The following ZSCAN21 variants were observed in gnomAD, a reference collection of about 807,000 sequenced individuals.
The protein encoded by ZSCAN21 is zinc finger and SCAN domain containing 21.
Under a neutral mutation model 35.6 loss-of-function variants are expected in ZSCAN21, and 26 were observed. That is an observed-to-expected ratio of 0.73 (90% CI 0.54 to 1.01). ZSCAN21 has a LOEUF of 1.01. Among genes scored for constraint, ZSCAN21 ranks in the 50% least tolerant of loss-of-function variants. The pLI is 0.00. For missense variants in ZSCAN21, 593 were observed against 587.1 expected, an observed-to-expected ratio of 1.01 and a Z score of -0.10; for synonymous variants, 219 against 219.3, an observed-to-expected ratio of 1.00 and a Z score of 0.01.
intron 3 of ZSCAN21, 147 bp downstream of exon 3, chr7:100,058,037 C>T (rs965739532): frequency 4.5e-6 from 3 of 668,278 alleles, no homozygotes; most frequent in Admixed American, 7.4e-5. Flanking sequence ...CCCCTTTCCT[C>T]CCCCAAGTAA....
chr7:100,060,477 G>C (rs1442766737), intron 3 of ZSCAN21, among the ~76,000 whole-genome samples: 1 of 152,034 alleles, frequency 6.6e-6, no homozygotes, highest in Non-Finnish European at 1.5e-5. Context: ...CAGGAGAATC[G>C]CTTGAAGCCA....
chr7:100,051,277 A>ATTTTTT (rs1376849857), intron 1 of ZSCAN21, among the ~76,000 whole-genome samples: 7 of 45,102 alleles, frequency 1.6e-4, no homozygotes, highest in Admixed American at 3.2e-4. Flanking sequence ...GGATCTAGGG[A>ATTTTTT]TTTTCTTTTT....
chr7:100,063,818 C>T lies in ZSCAN21; in HGVS notation c.623C>T (p.Ser208Leu). The change falls in exon 4 of 4, where the codon TCA (serine) becomes TTA (leucine). Residue 208 changes from serine to leucine, a missense_variant. Ser to Leu is a moderately radical substitution (Grantham distance 145). Transcript: ENST00000292450. Reference protein sequence around the residue: ...DCRLSTQHEESADEQKGSEAE... With the variant: ...DCRLSTQHEELADEQKGSEAE... ...AGATTGAGTACCCAGCACGAGGAAT[C>T]AGCAGATGAGCAGAAAGGTTCTGAA... 1 of 1,612,198 alleles carries T rather than the reference C, an allele frequency of 6.2e-7. No homozygotes were observed. The highest frequency in any genetic ancestry group is 8.5e-7 in the Non-Finnish European group (1 of 1,179,450).
Position 100,064,801 on chromosome 7 carries a change from G to C in ZSCAN21, c.*184G>C, listed in dbSNP as rs1451563544. On this transcript the variant is annotated 3_prime_UTR_variant, in exon 4 of 4. Coordinates refer to ENST00000292450, the MANE Select transcript of ZSCAN21 (RefSeq NM_145914.3). ...GGCAGGAGGTCCTCAGAAGGTGTCA[G>C]GAGGTTCCACACTCGCCAGTTCACT... 2.5e-6 allele frequency: 4 copies of C among 1,614,164 alleles called. No homozygotes were observed. The highest frequency in any genetic ancestry group is 3.4e-6 in the Non-Finnish European group (4 of 1,180,022).
chr7:100,057,463 G>A (rs1435961412), intron 2 of ZSCAN21, 58 bp downstream of exon 2: 1 of 1,499,922 alleles, frequency 6.7e-7, no homozygotes, highest in South Asian at 1.4e-5. Flanking sequence ...TTCTAGGCAG[G>A]AACAAGGGTT....
rs1791894053 is a variant in ZSCAN21, at chr7:100,051,916, G to C, written c.-97+2075G>C. Among the ~76,000 whole-genome samples, 3 of 151,984 alleles carry C rather than the reference G, an allele frequency of 2.0e-5. 1 individual carries two copies. ...AATGTGAGTTAGTAATGAAGCATTT[G>C]ATTTCTAGCCGCATGCTTCTTTATT... On this transcript the variant is annotated intron_variant, in intron 1 of 3. Coordinates refer to ENST00000292450, the MANE Select transcript of ZSCAN21 (RefSeq NM_145914.3).
chr7:100,056,982 T>C lies in ZSCAN21; in HGVS notation c.-25T>C. On this transcript the variant is annotated 5_prime_UTR_variant, in exon 2 of 4. Coordinates refer to ENST00000292450, the MANE Select transcript of ZSCAN21 (RefSeq NM_145914.3). Reference sequence around the variant, plus strand: ...TTCCTGCCCCACAGAGTCCCATCTTTGGTGAGGCTGTTTCTGGAGTTTACA... The same window carrying C: ...TTCCTGCCCCACAGAGTCCCATCTTCGGTGAGGCTGTTTCTGGAGTTTACA... The C allele has an allele frequency of 1.9e-6, 3 of 1,552,784 alleles. No individual in the cohort carries two copies. The highest frequency in any genetic ancestry group is 2.6e-6 in the Non-Finnish European group (3 of 1,148,800).
intron 3 of ZSCAN21, among the ~76,000 whole-genome samples, chr7:100,059,798 A>G (rs1264556052): frequency 2.6e-5 from 4 of 151,398 alleles, no homozygotes; most frequent in African/African-American, 7.3e-5. Flanking sequence ...CAACCTCCGC[A>G]TTCCAGTTTC....
chr7:100,055,672 G>C (rs559177024), intron 1 of ZSCAN21, among the ~76,000 whole-genome samples: 6 of 141,664 alleles, frequency 4.2e-5, no homozygotes, highest in Non-Finnish European at 6.0e-5. Context: ...ACAGAGTCTC[G>C]CTCTGTCACC....
intron 1 of ZSCAN21, 125 bp from the exon 2 acceptor site, chr7:100,056,786 G>A (rs545854125): frequency 8.5e-6 from 4 of 472,996 alleles, no homozygotes; most frequent in Non-Finnish European, 7.4e-6. Context: ...ATTTTGAGCA[G>A]TTGTTTTTGT....
At chr7:100,058,771 G>A (rs1792174757) in intron 3 of ZSCAN21, among the ~76,000 whole-genome samples, 1 of 152,150 alleles carries the variant, frequency 6.6e-6, no homozygotes, top group African/African-American at 2.4e-5. Context: ...GGGCAGTGGC[G>A]TGATCATAGC....
chr7:100,063,689 A>C, intron 3 of ZSCAN21, 99 bp from the exon 4 acceptor site: 1 of 1,151,876 alleles, frequency 8.7e-7, no homozygotes, highest in Non-Finnish European at 1.2e-6. Context: ...CACCCTTCAG[A>C]AACCATCAGT....
chr7:100,053,436 C>T (rs1161927452), intron 1 of ZSCAN21, among the ~76,000 whole-genome samples: 1 of 151,794 alleles, frequency 6.6e-6, no homozygotes, highest in East Asian at 1.9e-4. Flanking sequence ...GGTTTCTTTC[C>T]TGGTCTTAGG....
At position 100,057,077 on chromosome 7, in the gene ZSCAN21, T is replaced by A. The variant is rs1792098614; in HGVS notation, c.71T>A (p.Leu24Gln). 1 of 1,613,932 alleles carries A rather than the reference T, an allele frequency of 6.2e-7. No individual in the cohort carries two copies. The highest frequency in any genetic ancestry group is 1.3e-5 in the African/African-American group (1 of 74,910). The part of the protein sequence containing the change: ...PRPPQEQVGP[L>Q]MVKVEEKEEK... ...CCTCCACAGGAGCAGGTGGGGCCTCTGATGGTAAAAGTCGAGGAGAAAGAA... is the reference window on the plus strand; with the variant it reads ...CCTCCACAGGAGCAGGTGGGGCCTCAGATGGTAAAAGTCGAGGAGAAAGAA... The change falls in exon 2 of 4, where the codon CTG (leucine) becomes CAG (glutamine). Residue 24 changes from leucine to glutamine, a missense_variant. Leu to Gln is a moderately radical substitution (Grantham distance 113). Coordinates refer to ENST00000292450, the MANE Select transcript of ZSCAN21 (RefSeq NM_145914.3).
At chr7:100,062,327 A>C (rs1160368192) in intron 3 of ZSCAN21, among the ~76,000 whole-genome samples, 2 of 124,240 alleles carry the variant, frequency 1.6e-5, no homozygotes, top group Non-Finnish European at 3.2e-5. Flanking sequence ...GTGGTGGTTC[A>C]TGCCTGTAAT....
intron 1 of ZSCAN21, among the ~76,000 whole-genome samples, chr7:100,054,114 C>T (rs951206129): frequency 6.6e-6 from 1 of 152,006 alleles, no homozygotes; most frequent in Non-Finnish European, 1.5e-5. Context: ...GGTGAGATGA[C>T]GTTGCATCTC....
intron 3 of ZSCAN21, among the ~76,000 whole-genome samples, chr7:100,059,010 A>T (rs560373706): frequency 6.6e-6 from 1 of 152,362 alleles, no homozygotes; most frequent in South Asian, 2.1e-4. Context: ...ATGTTTAATT[A>T]TATGTTTGCA....
At chr7:100,058,363 G>A (rs1274176144) in intron 3 of ZSCAN21, among the ~76,000 whole-genome samples, 2 of 152,094 alleles carry the variant, frequency 1.3e-5, no homozygotes, top group Non-Finnish European at 2.9e-5. Context: ...GCCCTGCTGT[G>A]GGATGAGGAG....
In ZSCAN21 at chr7:100,055,636, A is replaced by G. The variant is rs868353693; in HGVS notation, c.-96-1275A>G. 3.5e-5 allele frequency among the ~76,000 whole-genome samples: 5 copies of G among 143,222 alleles called. No homozygotes were observed. The Admixed American group carries it at 3.5e-4, about 10-fold the overall frequency. The allele number at this position is 143,222 out of a possible 152,430, so 94.0% of individuals were successfully genotyped here. A position where few individuals can be genotyped will look rare whatever the true frequency, so the allele number is the denominator to read the frequency against. On this transcript the variant is annotated intron_variant, in intron 1 of 3. Transcript: ENST00000292450. Reference sequence around the variant, plus strand: ...ACAGGCCCAGTCATTTGACTAGTGAATTTTCCTTTTTTTTTTTTTTTTGAG... The same window carrying G: ...ACAGGCCCAGTCATTTGACTAGTGAGTTTTCCTTTTTTTTTTTTTTTTGAG...
Sources: allele counts gnomAD v4.1 joint callset (sites outside exome capture counted in the v4.1 genomes callset), GRCh38; gene constraint gnomAD v4.1.1; transcripts MANE v1.5; gene names NCBI Gene and HGNC (gene_info 2026-07-23, HGNC 2026-07-21).